OTC: variants seen among roughly 807,000 people sequenced by gnomAD.
OTC encodes ornithine transcarbamylase, mitochondrial.
Under a neutral mutation model 30.3 loss-of-function variants are expected in OTC, and 3 were observed. The ratio of observed to expected loss-of-function variants is 0.10; its 90% CI spans 0.05 to 0.26. The LOEUF (loss-of-function observed/expected upper bound fraction) is 0.26. Among genes scored for constraint, OTC ranks in the 10% least tolerant of loss-of-function variants. The pLI, the probability that OTC is intolerant of heterozygous loss-of-function variation, is 1.00. For missense variants in OTC, 194 were observed against 260.3 expected (o/e 0.75, Z 1.75); for synonymous variants, 111 against 99.7 (o/e 1.11, Z -0.67).
chrX:38,413,071 A>G, intron 9 of OTC, among the ~76,000 whole-genome samples: 1 of 111,934 alleles, frequency 8.9e-6, no homozygotes, highest in Non-Finnish European at 1.9e-5. Flanking sequence ...TTCTGCACCC[A>G]AGTCTGGAGT....
chrX:38,417,102 A>G (rs1400319177), intron 9 of OTC, among the ~76,000 whole-genome samples: 1 of 111,310 alleles, frequency 9.0e-6, no homozygotes. Flanking sequence ...ATATTTTTAT[A>G]TTTTTTTGTC....
chrX:38,331,527 G>A, the OTC span, among the ~76,000 whole-genome samples: 2 of 101,404 alleles, frequency 2.0e-5, no homozygotes, highest in African/African-American at 3.6e-5. Context: ...CAGGTGATCC[G>A]CCCACGTCGG....
intron 4 of OTC, among the ~76,000 whole-genome samples, chrX:38,389,944 TA>T (rs1314041225): frequency 1.8e-5 from 2 of 112,085 alleles, no homozygotes; most frequent in Non-Finnish European, 3.8e-5. Context: ...AGTTATGATC[TA>T]ACCCAATCTC....
downstream of OTC, among the ~76,000 whole-genome samples, chrX:38,421,864 C>T (rs2068597439): frequency 2.7e-5 from 3 of 111,677 alleles, no homozygotes; most frequent in South Asian, 1.1e-3. Flanking sequence ...CATGCATCTA[C>T]TCACACCATA....
At chrX:38,407,362 G>A (rs113367635) in intron 6 of OTC, among the ~76,000 whole-genome samples, 5,062 of 112,262 alleles carry the variant, frequency 0.045, 131 homozygotes, top group Middle Eastern at 0.14. Flanking sequence ...CCAGCAGCTG[G>A]GGGAATAAGT....
chrX:38,363,942 A>G (rs1474922420), intron 1 of OTC, among the ~76,000 whole-genome samples: 1 of 110,739 alleles, frequency 9.0e-6, no homozygotes, highest in Non-Finnish European at 1.9e-5. Flanking sequence ...CCTGGCCAAC[A>G]TGGTGAAACC....
At chrX:38,383,829 A>T (rs2068388929) in intron 4 of OTC, among the ~76,000 whole-genome samples, 1 of 110,162 alleles carries the variant, frequency 9.1e-6, no homozygotes, top group African/African-American at 3.3e-5. Context: ...AAAAAAAAAA[A>T]GAAAAGAAAA....
At chrX:38,394,976 C>G (rs764671747) in intron 4 of OTC, among the ~76,000 whole-genome samples, 11 of 110,110 alleles carry the variant, frequency 1.0e-4, no homozygotes, top group Non-Finnish European at 3.8e-5. Flanking sequence ...GAAATGTATT[C>G]TTTTTTTGTT....
the OTC span, among the ~76,000 whole-genome samples, chrX:38,331,445 T>A: frequency 4.1e-5 from 3 of 72,390 alleles, no homozygotes; most frequent in Non-Finnish European, 8.7e-5. Context: ...TTTTTTTGTT[T>A]TTTTTTTTTG....
chrX:38,369,698 G>C (rs2068314353), intron 2 of OTC, 98 bp from the exon 3 acceptor site: 1 of 410,339 alleles, frequency 2.4e-6, no homozygotes, highest in African/African-American at 2.6e-5. Context: ...ACACTTATTT[G>C]GGGGTAGTTA....
At chrX:38,348,553 T>G (rs1391290451), upstream of OTC, among the ~76,000 whole-genome samples, 1 of 105,208 alleles carries the variant, frequency 9.5e-6, no homozygotes. Context: ...TTTTTTTTTT[T>G]TGAGATGGAG....
At chrX:38,340,498 A>C in the OTC span, among the ~76,000 whole-genome samples, 1 of 91,834 alleles carries the variant, frequency 1.1e-5, no homozygotes, top group Non-Finnish European at 2.1e-5. Context: ...TGCAAACAAG[A>C]TCAAGCATGT....
chrX:38,353,599 T>G (rs778590660), intron 1 of OTC, among the ~76,000 whole-genome samples: 2 of 111,664 alleles, frequency 1.8e-5, no homozygotes, highest in East Asian at 5.6e-4. Context: ...TCTTTTATTA[T>G]TAGTAAGTGG....
chrX:38,381,088 C>G (rs192668205), intron 3 of OTC, among the ~76,000 whole-genome samples: 1 of 112,109 alleles, frequency 8.9e-6, no homozygotes, highest in African/African-American at 3.2e-5. Context: ...AATGATGCCT[C>G]GTTATTGCCA....
upstream of OTC, chrX:38,352,549 G>A (rs949796713): frequency 4.0e-6 from 2 of 498,281 alleles, no homozygotes; most frequent in South Asian, 2.7e-5. Flanking sequence ...CTAACCAGGG[G>A]ACTTTGATAA....
At chrX:38,382,587 G>A (rs2068381873) in intron 4 of OTC, among the ~76,000 whole-genome samples, 1 of 112,322 alleles carries the variant, frequency 8.9e-6, no homozygotes, top group Non-Finnish European at 1.9e-5. Flanking sequence ...CTGGATTCTA[G>A]GGACAAAAGG....
upstream of OTC, among the ~76,000 whole-genome samples, chrX:38,351,131 G>A (rs1602007780): frequency 8.9e-6 from 1 of 111,959 alleles, no homozygotes; most frequent in South Asian, 3.7e-4. Context: ...TTTGGTAGAG[G>A]TTGGGAAATG....
chrX:38,334,219 C>G, the OTC span, among the ~76,000 whole-genome samples: 4 of 112,064 alleles, frequency 3.6e-5, no homozygotes, highest in Non-Finnish European at 7.5e-5. Flanking sequence ...TGTATTAACT[C>G]TTTAAATTCC....
chrX:38,374,148 G>A (rs2068334971), intron 3 of OTC, among the ~76,000 whole-genome samples: 1 of 111,739 alleles, frequency 8.9e-6, no homozygotes, highest in South Asian at 3.8e-4. Context: ...GGGCTACAGA[G>A]CAAGACTCCA....
Sources: allele counts gnomAD v4.1 joint callset (sites outside exome capture counted in the v4.1 genomes callset), GRCh38; gene constraint gnomAD v4.1.1; transcripts MANE v1.5; gene names NCBI Gene and HGNC (gene_info 2026-07-23, HGNC 2026-07-21).